CLUL1: variants seen among roughly 807,000 people sequenced by gnomAD.
The protein encoded by CLUL1 is clusterin-like protein 1.
Under a neutral mutation model 49.4 loss-of-function variants are expected in CLUL1, and 43 were observed. The observed-to-expected ratio is 0.87, with a 90% CI of 0.68 to 1.12. CLUL1 has a LOEUF of 1.12. CLUL1 is among the 50% of genes most tolerant of loss of function. The pLI is 0.00. For synonymous variants in CLUL1, 192 were observed against 184.9 expected (o/e 1.04, Z -0.31); for missense variants, 486 against 544.4 (o/e 0.89, Z 1.07).
intron 7 of CLUL1, among the ~76,000 whole-genome samples, chr18:640,695 A>G (rs991763607): frequency 2.6e-5 from 4 of 152,186 alleles, no homozygotes; most frequent in African/African-American, 7.2e-5. Flanking sequence ...AGGTTTTGCT[A>G]TTATAAACAA....
chr18:629,927 A>G (rs2073940673), intron 6 of CLUL1, among the ~76,000 whole-genome samples: 1 of 152,066 alleles, frequency 6.6e-6, no homozygotes, highest in Non-Finnish European at 1.5e-5. Flanking sequence ...GAATAAGCCT[A>G]CTGCCCCTAG....
chr18:633,826 CGGAATGAATCAGGGCGGAGCG>C (rs1567972330), intron 7 of CLUL1, among the ~76,000 whole-genome samples: 5 of 115,536 alleles, frequency 4.3e-5, no homozygotes, highest in Non-Finnish European at 7.1e-5. Flanking sequence ...AGCGTGTAAT[CGGAATGAATCAGGGCGGAGCG>C]TGTAATCGGA....
rs960831370 is a variant in CLUL1 at position 607,087 on chromosome 18, C to T, written c.-26C>T. ...CCCTCCTACCTCAGCCCCATGAGGA[C>T]CTGGGACTACAGGTATGCACCGCTA... On this transcript the variant is annotated 5_prime_UTR_variant, in exon 2 of 10. Coordinates refer to ENST00000692774, the MANE Select transcript of CLUL1 (RefSeq NM_001393344.1). The T allele has an allele frequency of 1.0e-5, 7 of 701,798 alleles. No homozygotes were observed. Among genetic ancestry groups the T allele is most frequent in the Non-Finnish European group, 1.8e-5 (7 of 384,724 alleles). 43.5% of individuals were successfully genotyped at this position (701,798 alleles called of 1,614,324 possible).
intron 2 of CLUL1, among the ~76,000 whole-genome samples, chr18:611,958 C>G (rs566363355): frequency 1.3e-5 from 2 of 152,276 alleles, no homozygotes; most frequent in East Asian, 1.9e-4. Context: ...CATCCCCCAT[C>G]CAAAGCTCAA....
rs890279081 is a variant in CLUL1, at chr18:625,012, T to C, written c.403T>C (p.Trp135Arg). The stretch of plus-strand genomic sequence containing the variant: ...AATTTATACAACCTGCCAACCTAGC[T>C]GGTCCTCTGTGAAAAATAAGGTAAG... ...MRIYTTCQPS[W>R]SSVKNKIERF... The change falls in exon 5 of 10, where the codon TGG (tryptophan) becomes CGG (arginine). Residue 135 changes from tryptophan (W) to arginine (R), a missense_variant. By Grantham distance (101) the Trp-to-Arg change is moderately radical (BLOSUM62 -3). Coordinates refer to ENST00000692774, the MANE Select transcript of CLUL1 (RefSeq NM_001393344.1). 10 of 1,614,182 alleles carry C rather than the reference T, an allele frequency of 6.2e-6. No homozygotes were observed. The highest frequency in any genetic ancestry group is 8.5e-6 in the Non-Finnish European group (10 of 1,180,010).
At chr18:632,332 A>G (rs1200749203) in intron 6 of CLUL1, among the ~76,000 whole-genome samples, 4 of 110,566 alleles carry the variant, frequency 3.6e-5, no homozygotes, top group African/African-American at 1.2e-4. Flanking sequence ...GTGTGTATAT[A>G]TATGTGTGTG....
chr18:604,911 C>T (rs374507815), intron 1 of CLUL1, among the ~76,000 whole-genome samples: 4 of 152,200 alleles, frequency 2.6e-5, no homozygotes, highest in African/African-American at 9.7e-5. Flanking sequence ...CTGGTGGCTC[C>T]ACCGCCCTCC....
chr18:641,610 T>G (rs1228482543), intron 8 of CLUL1, 69 bp downstream of exon 8: 1 of 1,297,028 alleles, frequency 7.7e-7, no homozygotes, highest in African/African-American at 1.5e-5. Context: ...GTTAATTTAC[T>G]TATGAATTGT....
intron 4 of CLUL1, among the ~76,000 whole-genome samples, chr18:622,809 G>A (rs1279693667): frequency 1.3e-5 from 2 of 152,148 alleles, no homozygotes; most frequent in African/African-American, 4.8e-5. Flanking sequence ...CTCATTTAAT[G>A]CAAAGACCTT....
intron 7 of CLUL1, among the ~76,000 whole-genome samples, chr18:640,213 C>A (rs2074300641): frequency 6.6e-6 from 1 of 151,690 alleles, no homozygotes; most frequent in Non-Finnish European, 1.5e-5. Flanking sequence ...AGAGGACACG[C>A]AAGCCTGGGC....
intron 6 of CLUL1, among the ~76,000 whole-genome samples, chr18:628,528 A>G (rs542097261): frequency 1.3e-5 from 2 of 152,228 alleles, no homozygotes; most frequent in African/African-American, 4.8e-5. Flanking sequence ...CAAGTGTAGG[A>G]TCTGCATTTC....
At chr18:607,222 G>C (rs763124877) in intron 2 of CLUL1, 123 bp downstream of exon 2, 10 of 626,452 alleles carry the variant, frequency 1.6e-5, no homozygotes, top group Non-Finnish European at 2.6e-5. Context: ...CTGCCTCCCA[G>C]ATTTAAGGGT....
At position 624,922 on chromosome 18, in the gene CLUL1, T is replaced by A; in HGVS notation, c.313T>A (p.Cys105Ser). The A allele has an allele frequency of 6.2e-7, 1 of 1,614,186 alleles. No homozygotes were observed. The highest frequency in any genetic ancestry group is 8.5e-7 in the Non-Finnish European group (1 of 1,179,996). ...QEHLEEEERL[C>S]RESLADSWGE... ...ACATCTGGAGGAAGAAGAAAGGCTA[T>A]GCCGGGAGTCTTTGGCAGATTCCTG... The change falls in exon 5 of 10, where the codon TGC (cysteine) becomes AGC (serine). Residue 105 changes from cysteine (C) to serine (S), a missense_variant. Transcript: ENST00000692774.
At chr18:625,116 T>C in intron 5 of CLUL1, 84 bp downstream of exon 5, 2 of 1,362,376 alleles carry the variant, frequency 1.5e-6, no homozygotes, top group Non-Finnish European at 2.0e-6. Context: ...TGTTAATATT[T>C]AGAACGGAGA....
chr18:629,003 G>C (rs990738384), intron 6 of CLUL1, among the ~76,000 whole-genome samples: 1 of 152,046 alleles, frequency 6.6e-6, no homozygotes, highest in Non-Finnish European at 1.5e-5. Flanking sequence ...AGCTGTAGCT[G>C]GCAACATCTG....
chr18:645,792 T>TAAAAAAAAAAA lies in CLUL1; in HGVS notation c.1397+704_1397+714dup, dbSNP rs869103727. 7.8e-3 allele frequency among the ~76,000 whole-genome samples: 126 copies of TAAAAAAAAAAA among 16,088 alleles called. 58 individuals carry two copies. The highest frequency in any genetic ancestry group is 0.064 in the East Asian group (16 of 250). 10.6% of individuals were successfully genotyped at this position (16,088 alleles called of 152,430 possible). The stretch of plus-strand genomic sequence containing the variant: ...CTGGGCGACAGAGCGAGACTCTGTT[T>TAAAAAAAAAAA]AAAAAAAAAAAAAAAAAAATATATA... On this transcript the variant is annotated intron_variant, in intron 9 of 9. Transcript: ENST00000692774.
chr18:619,635 T>A (rs2073425386), intron 4 of CLUL1, among the ~76,000 whole-genome samples: 1 of 151,948 alleles, frequency 6.6e-6, no homozygotes, highest in Admixed American at 6.6e-5. Context: ...TGGTCTCTTC[T>A]GAGTTAGGAT....
chr18:624,145 C>T (rs1039937262), intron 4 of CLUL1, among the ~76,000 whole-genome samples: 4 of 152,136 alleles, frequency 2.6e-5, no homozygotes, highest in Non-Finnish European at 5.9e-5. Context: ...GCCACTGCTG[C>T]TGGGCTCCTC....
intron 9 of CLUL1, 24 bp downstream of exon 9, chr18:645,121 A>G (rs1229621478): frequency 6.5e-7 from 1 of 1,536,500 alleles, no homozygotes; most frequent in East Asian, 2.3e-5. Context: ...CTGGTTAGGA[A>G]TGCCTTGTTG....
Sources: allele counts gnomAD v4.1 joint callset (sites outside exome capture counted in the v4.1 genomes callset), GRCh38; gene constraint gnomAD v4.1.1; transcripts MANE v1.5; gene names NCBI Gene and HGNC (gene_info 2026-07-23, HGNC 2026-07-21).